The following KMT2D variants were observed in gnomAD, a reference collection of about 807,000 sequenced individuals.
KMT2D encodes the protein histone-lysine N-methyltransferase 2D.
A neutral mutation model predicts 512.7 loss-of-function variants in KMT2D; 55 were observed. That is an observed-to-expected ratio of 0.11 (90% CI 0.09 to 0.13). The LOEUF is 0.13. Among genes scored for constraint, KMT2D ranks in the 10% least tolerant of loss-of-function variants. The pLI, the probability that KMT2D is intolerant of heterozygous loss-of-function variation, is 1.00. For synonymous variants in KMT2D, 2,995 were observed against 2,904.0 expected (o/e 1.03, Z -1.01); for missense variants, 6,061 against 7,127.9 (o/e 0.85, Z 5.39).
intron 15 of KMT2D, among the ~76,000 whole-genome samples, chr12:49,047,002 C>T (rs1234577128): frequency 1.3e-5 from 2 of 152,088 alleles, no homozygotes; most frequent in Non-Finnish European, 2.9e-5. Flanking sequence ...CCTGCCACCA[C>T]ACCTGGCTAA....
At chr12:49,036,913 A>T (rs2120472000) in intron 35 of KMT2D, among the ~76,000 whole-genome samples, 1 of 152,298 alleles carries the variant, frequency 6.6e-6, no homozygotes, top group Admixed American at 6.5e-5. Flanking sequence ...ATTTATTCAA[A>T]CATCTGCTAC....
rs754797404 is a variant in KMT2D, at chr12:49,049,143, G to A, written c.3982C>T (p.Arg1328Trp). The A allele has an allele frequency of 1.3e-5, 21 of 1,611,560 alleles. 1 individual carries two copies. The highest frequency in any genetic ancestry group is 3.3e-5 in the South Asian group (3 of 90,538). ...AHGGRGRGRA[R>W]LKSTASSIET... ...ATGGAAGAAGCAGTTGACTTTAGCC[G>A]GGCCCGTCCTCTACCACGTCCTCCA... The change falls in exon 13 of 55, where the codon CGG (arginine) becomes TGG (tryptophan). Residue 1328 changes from arginine (R) to tryptophan (W), a missense_variant. Arg to Trp is a moderately radical substitution (Grantham distance 101). This residue lies in a region of KMT2D where 447 missense variants were observed against 500.1 expected (regional missense o/e 0.89). Coordinates refer to ENST00000301067, the MANE Select transcript of KMT2D (RefSeq NM_003482.4).
In KMT2D at chr12:49,030,708, G is replaced by T; in HGVS notation, c.13732C>A (p.Pro4578Thr). ...AITANFSLFA[P>T]FGSGCPVNGQ... The stretch of plus-strand genomic sequence containing the variant: ...TTGACTGGGCAGCCACTGCCAAAGG[G>T]GGCAAAGAGGCTAAAATTGGCGGTG... The change falls in exon 42 of 55, where the codon CCC (proline) becomes ACC (threonine). Residue 4578 changes from proline (P) to threonine (T), a missense_variant. Pro to Thr is a conservative substitution (Grantham distance 38). Around this residue, in one of 16 missense-constraint regions of KMT2D, gnomAD observed 1,600 missense variants for 1,754.9 expected, o/e 0.91. Coordinates refer to ENST00000301067, the MANE Select transcript of KMT2D (RefSeq NM_003482.4). The T allele has an allele frequency of 6.2e-7, 1 of 1,613,704 alleles. No homozygotes were observed. The highest frequency in any genetic ancestry group is 8.5e-7 in the Non-Finnish European group (1 of 1,179,880).
chr12:49,036,733 T>C (rs1943242589), intron 35 of KMT2D, among the ~76,000 whole-genome samples: 1 of 152,046 alleles, frequency 6.6e-6, no homozygotes, highest in South Asian at 2.1e-4. Flanking sequence ...CTCCTGATCT[T>C]AAGTGATCCA....
At position 49,034,917 on chromosome 12, in the gene KMT2D, G is replaced by A. The variant is rs2120462084; in HGVS notation, c.10250C>T (p.Ala3417Val). 1 of 1,613,934 alleles carries A rather than the reference G, an allele frequency of 6.2e-7. No individual in the cohort carries two copies. The highest frequency in any genetic ancestry group is 8.5e-7 in the Non-Finnish European group (1 of 1,179,880). ...TGCAATGGGATCAATGATATCTTCT[G>A]CAGCAAATTTGTCCAGGTCTGGAGA... ...FPDTDLDKFA[A>V]EDIIDPIAKA... Residue 3417 changes from alanine to valine, a missense_variant, in exon 36 of 55, where the codon GCA becomes GTA. Physicochemically the swap from Ala to Val is moderately conservative, Grantham distance 64. Around this residue, in one of 16 missense-constraint regions of KMT2D, gnomAD observed 533 missense variants for 539.6 expected, o/e 0.99. Transcript: ENST00000301067.
rs529127184 is a variant in KMT2D, at chr12:49,026,880, A to C, written c.15086T>G (p.Met5029Arg). The change falls in exon 49 of 55, where the codon ATG (methionine) becomes AGG (arginine). Residue 5029 changes from methionine to arginine, a missense_variant. Coordinates refer to ENST00000301067, the MANE Select transcript of KMT2D (RefSeq NM_003482.4). The surrounding 1 kb of genome is among the most constrained non-coding windows in gnomAD (Gnocchi z 9.6). ...ALRPDKVPRD[M>R]RRCCFCHEEG... ...CTCATGACAGAAACAGCAGCGACGC[A>C]TGTCTCGCGGTACCTTGTCAGGTCG... 3 of 1,613,862 alleles carry C rather than the reference A, an allele frequency of 1.9e-6. No individual in the cohort carries two copies. The highest frequency in any genetic ancestry group is 2.5e-6 in the Non-Finnish European group (3 of 1,179,892).
chr12:49,038,725 G>C lies in KMT2D; in HGVS notation c.8631C>G (p.Phe2877Leu), dbSNP rs1943343806. The C allele has an allele frequency of 6.2e-7, 1 of 1,609,348 alleles. No homozygotes were observed. ...TCTGTACATTGTGCCGCAGCTCAAT[G>C]AACTGGGCAGGACCAGCTGGACCAG... ...PVPGPAGPAQ[F>L]IELRHNVQKG... Residue 2877 changes from phenylalanine to leucine, a missense_variant, in exon 35 of 55, where the codon TTC (phenylalanine) becomes TTG (leucine). Phe to Leu is a conservative substitution (Grantham distance 22, BLOSUM62 0). This residue lies in a region of KMT2D where 527 missense variants were observed against 578.9 expected (regional missense o/e 0.91). Coordinates refer to ENST00000301067, the MANE Select transcript of KMT2D (RefSeq NM_003482.4). The surrounding 1 kb of genome is among the most constrained non-coding windows in gnomAD (Gnocchi z 5.7).
In KMT2D at chr12:49,034,891, T is replaced by C. The variant is rs1377036780; in HGVS notation, c.10276A>G (p.Lys3426Glu). Residue 3426 changes from lysine (K) to glutamate (E), a missense_variant, in exon 36 of 55, where the codon AAG becomes GAG. By Grantham distance (56) the Lys-to-Glu change is moderately conservative (BLOSUM62 1). This residue lies in a region of KMT2D where 533 missense variants were observed against 539.6 expected (regional missense o/e 0.99). Transcript: ENST00000301067. ...CCTTTCAAAGCCACCATCTTGGCCTTTGCAATGGGATCAATGATATCTTCT... is the reference window on the plus strand; with the variant it reads ...CCTTTCAAAGCCACCATCTTGGCCTCTGCAATGGGATCAATGATATCTTCT... ...AAEDIIDPIA[K>E]AKMVALKGIK... 6.2e-7 allele frequency: 1 copy of C among 1,613,974 alleles called. No homozygotes were observed. The highest frequency in any genetic ancestry group is 8.5e-7 in the Non-Finnish European group (1 of 1,179,896).
chr12:49,056,868 C>T (rs1214757639), intron 1 of KMT2D, among the ~76,000 whole-genome samples: 2 of 152,212 alleles, frequency 1.3e-5, no homozygotes. Flanking sequence ...ATCACTCTTC[C>T]TGCCCTGAAC....
At position 49,054,994 on chromosome 12, in the gene KMT2D, C is replaced by T. The variant is rs781142081; in HGVS notation, c.82G>A (p.Ala28Thr). ...GGGTTGGGCAGGTCTGACTCAGTGG[C>T]ACTTGGGTCCTCAGAAGCTGCAGGT... Reference protein sequence around the residue: ...DGPAASEDPSATESDLPNPHV... With the variant: ...DGPAASEDPSTTESDLPNPHV... Residue 28 changes from alanine (A) to threonine (T), a missense_variant, in exon 3 of 55, where the codon GCC (alanine) becomes ACC (threonine). By Grantham distance (58) the Ala-to-Thr change is moderately conservative (BLOSUM62 0). Transcript: ENST00000301067. The surrounding 1 kb of genome is among the most constrained non-coding windows in gnomAD (Gnocchi z 6.4). The T allele has an allele frequency of 6.2e-7, 1 of 1,614,038 alleles. No homozygotes were observed. The highest frequency in any genetic ancestry group is 8.5e-7 in the Non-Finnish European group (1 of 1,179,896).
rs1324147996 is a variant in KMT2D at position 49,060,010 on chromosome 12, A to C, written c.-435T>G. On this transcript the variant is annotated 5_prime_UTR_variant, in exon 1 of 55. Coordinates refer to ENST00000301067, the MANE Select transcript of KMT2D (RefSeq NM_003482.4). ...CTCGGGCGGAACGTCGAGGCTCTCC[A>C]GATGGAACGTCGAGGCGCCTCCCCA... 6.6e-6 allele frequency among the ~76,000 whole-genome samples: 1 copy of C among 151,248 alleles called. No homozygotes were observed. The highest frequency in any genetic ancestry group is 1.5e-5 in the Non-Finnish European group (1 of 67,698).
intron 19 of KMT2D, 138 bp from the exon 20 acceptor site, chr12:49,045,103 A>T: frequency 1.3e-6 from 1 of 751,452 alleles, no homozygotes; most frequent in East Asian, 2.7e-5. Context: ...TGAGGAGAAC[A>T]GGCCACCAAG....
intron 48 of KMT2D, 145 bp from the exon 49 acceptor site, chr12:49,027,467 T>C (rs1289870116): frequency 1.4e-6 from 1 of 737,076 alleles, no homozygotes; most frequent in Non-Finnish European, 2.1e-6. Context: ...TCTTTTTTTT[T>C]TGAGACACAG....
In KMT2D at chr12:49,043,620, T is replaced by A; in HGVS notation, c.5467+15A>T. On this transcript the variant is annotated intron_variant, in intron 24 of 54. Coordinates refer to ENST00000301067, the MANE Select transcript of KMT2D (RefSeq NM_003482.4). ...AGTTGGATTCTCTCACACCACTCACTCCCACATAACTAACCTTTCTGCGAT... is the reference window on the plus strand; with the variant it reads ...AGTTGGATTCTCTCACACCACTCACACCCACATAACTAACCTTTCTGCGAT... 1 of 1,613,682 alleles carries A rather than the reference T, an allele frequency of 6.2e-7. No individual in the cohort carries two copies. The highest frequency in any genetic ancestry group is 8.5e-7 in the Non-Finnish European group (1 of 1,179,728).
In KMT2D at chr12:49,042,408, C is replaced by A. The variant is rs2120555261; in HGVS notation, c.5868-78G>T. 6.7e-7 allele frequency: 1 copy of A among 1,497,382 alleles called. No individual in the cohort carries two copies. The highest frequency in any genetic ancestry group is 1.3e-5 in the South Asian group (1 of 75,254). The allele number at this position is 1,497,382 out of a possible 1,614,324, so 92.8% of individuals were successfully genotyped here. A position where few individuals can be genotyped will look rare whatever the true frequency, so the allele number is the denominator to read the frequency against. On this transcript the variant is annotated intron_variant, in intron 28 of 54. Coordinates refer to ENST00000301067, the MANE Select transcript of KMT2D (RefSeq NM_003482.4). This position sits in a 1 kb window ranked among gnomAD's most constrained non-coding sequence, Gnocchi z 4.4. ...CAGACAAACTGCCTAGAGCCCCAGG[C>A]CACTGCCCTGCCCCAAAAGAGGAGG...
At chr12:49,023,904 A>G (rs1483312102) in intron 51 of KMT2D, 3 of 338,638 alleles carry the variant, frequency 8.9e-6, no homozygotes, top group Non-Finnish European at 1.7e-5. Context: ...CCAGGGACTA[A>G]GGTCCCTGGT....
At chr12:49,034,989 T>C in intron 35 of KMT2D, 54 bp from the exon 36 acceptor site, 7 of 1,601,378 alleles carry the variant, frequency 4.4e-6, no homozygotes, top group Non-Finnish European at 6.0e-6. Flanking sequence ...CTCCAGTGAA[T>C]ATCTGCGATT....
chr12:49,038,777 C>T lies in KMT2D; in HGVS notation c.8579G>A (p.Arg2860His), dbSNP rs377747403. Residue 2860 changes from arginine (R) to histidine (H), a missense_variant, in exon 35 of 55, where the codon CGT becomes CAT. Arg to His is a conservative substitution (Grantham distance 29, BLOSUM62 0). Coordinates refer to ENST00000301067, the MANE Select transcript of KMT2D (RefSeq NM_003482.4). This position sits in a 1 kb window ranked among gnomAD's most constrained non-coding sequence, Gnocchi z 5.7. Reference protein sequence around the residue: ...LGSPLAGISTRLPGPGEPVPG... With the variant: ...LGSPLAGISTHLPGPGEPVPG... ...CACTGGCTCACCAGGGCCTGGCAGA[C>T]GGGTGGAAATTCCCGCCAACGGGGA... 9.9e-5 allele frequency: 159 copies of T among 1,598,868 alleles called. No individual in the cohort carries two copies. Among genetic ancestry groups the T allele is most frequent in the African/African-American group, 2.3e-4 (17 of 74,768 alleles).
Position 49,019,931 on chromosome 12 carries a change from C to T in KMT2D, c.*1849G>A, listed in dbSNP as rs1317563954. On this transcript the variant is annotated 3_prime_UTR_variant, in exon 55 of 55. Transcript: ENST00000301067. ...CCCGCCCGTCCACCACCACCAAGCC[C>T]ACCCCTACACTCCAGACATCTGATT... 4 of 231,526 alleles carry T rather than the reference C, an allele frequency of 1.7e-5. No homozygotes were observed. The highest frequency in any genetic ancestry group is 5.6e-5 in the Admixed American group (1 of 17,722). 14.3% of individuals were successfully genotyped at this position (231,526 alleles called of 1,614,324 possible).
Sources: allele counts gnomAD v4.1 joint callset (sites outside exome capture counted in the v4.1 genomes callset), GRCh38; gene constraint gnomAD v4.1.1; regional missense constraint gnomAD v4.1.1; non-coding constraint Gnocchi (gnomAD v3.1); transcripts MANE v1.5; gene names NCBI Gene and HGNC (gene_info 2026-07-23, HGNC 2026-07-21).